Variants in LYPD6 observed in about 807,000 individuals in gnomAD.
The protein encoded by LYPD6 is LY6/PLAUR domain containing 6.
In LYPD6, 15 loss-of-function variants were observed where a neutral mutation model predicts 22.7. The ratio of observed to expected loss-of-function variants is 0.66; its 90% confidence interval spans 0.44 to 1.02. LYPD6 has a LOEUF of 1.02. Among genes scored for constraint, LYPD6 ranks in the 50% least tolerant of loss-of-function variants. The pLI is 0.00. For synonymous variants in LYPD6, 72 were observed against 77.5 expected, an observed-to-expected ratio of 0.93 and a Z score of 0.37; for missense variants, 189 against 208.4, an observed-to-expected ratio of 0.91 and a Z score of 0.57.
chr2:149,435,271 T>C (rs1266682982), intron 1 of LYPD6, among the ~76,000 whole-genome samples: 1 of 152,260 alleles, frequency 6.6e-6, no homozygotes, highest in Non-Finnish European at 1.5e-5. Flanking sequence ...GGTATTTTGT[T>C]ACGGCAGCCT....
At position 149,354,231 on chromosome 2, in the gene LYPD6, G is replaced by A. The variant is rs765343066; in HGVS notation, c.-72+23509G>A. On this transcript the variant is annotated intron_variant, in intron 1 of 4. Transcript: ENST00000334166. ...ATAGCCATTTTTTTCCCTCCAAGAT[G>A]GAGTCTTGCTCTGTGACCCAGGCTG... is the stretch of plus-strand genomic sequence containing the variant. Among the ~76,000 whole-genome samples the A allele has an allele frequency of 3.9e-4, 59 of 152,158 alleles. No homozygotes were observed. The Middle Eastern group carries it at 0.01, about 26-fold the overall frequency.
rs890202447 is a variant in LYPD6, at chr2:149,449,247, C to G, written c.217+100C>G. 26 of 696,336 alleles carry G rather than the reference C, an allele frequency of 3.7e-5. No homozygotes were observed. In the African/African-American group the frequency reaches 4.3e-4, roughly 12 times the overall value. 43.1% of individuals were successfully genotyped at this position (696,336 alleles called of 1,614,324 possible). On this transcript the variant is annotated intron_variant, in intron 3 of 4. Coordinates refer to ENST00000334166, the MANE Select transcript of LYPD6 (RefSeq NM_194317.5). ...ATAAAGAGAGGCATGCTTGCAATCT[C>G]AGCTGCTCCTCTTGTCTAAGGCTAT...
chr2:149,484,697 C>T, the LYPD6 span, among the ~76,000 whole-genome samples: 19 of 152,136 alleles, frequency 1.2e-4, no homozygotes, highest in Admixed American at 7.8e-4. Context: ...AATCAAGAAA[C>T]GAACATTCCA....
chr2:149,409,399 A>C (rs1682803804), intron 1 of LYPD6, among the ~76,000 whole-genome samples: 1 of 152,068 alleles, frequency 6.6e-6, no homozygotes, highest in Admixed American at 6.6e-5. Flanking sequence ...CAGGAGGTGG[A>C]GCTTTCAAGA....
intron 1 of LYPD6, among the ~76,000 whole-genome samples, chr2:149,428,153 C>T (rs1007252449): frequency 6.6e-6 from 1 of 152,172 alleles, no homozygotes; most frequent in Non-Finnish European, 1.5e-5. Context: ...ATTTTTAAAA[C>T]CACCTTTAAC....
chr2:149,362,098 G>C (rs1320304040), intron 1 of LYPD6, among the ~76,000 whole-genome samples: 1 of 152,158 alleles, frequency 6.6e-6, no homozygotes, highest in Non-Finnish European at 1.5e-5. Context: ...TTTTAGCCCA[G>C]TAAGACCCAT....
At chr2:149,389,457 A>G (rs1349069120) in intron 1 of LYPD6, among the ~76,000 whole-genome samples, 9 of 152,204 alleles carry the variant, frequency 5.9e-5, no homozygotes, top group Non-Finnish European at 1.2e-4. Flanking sequence ...TTAGGCATTT[A>G]GAGGATGAGA....
chr2:149,380,521 G>A (rs1462318711), intron 1 of LYPD6, among the ~76,000 whole-genome samples: 3 of 152,132 alleles, frequency 2.0e-5, no homozygotes, highest in African/African-American at 7.2e-5. Flanking sequence ...CAAGCATTTT[G>A]GCCTGAACAG....
At chr2:149,437,540 G>A in intron 1 of LYPD6, 98 bp from the exon 2 acceptor site, 1 of 986,512 alleles carries the variant, frequency 1.0e-6, no homozygotes, top group Non-Finnish European at 1.5e-6. Flanking sequence ...CTTGTGCCCT[G>A]TTGCTCTCCA....
chr2:149,358,001 G>A (rs1329964567), intron 1 of LYPD6, among the ~76,000 whole-genome samples: 1 of 151,996 alleles, frequency 6.6e-6, no homozygotes, highest in Non-Finnish European at 1.5e-5. Context: ...GTCCAGGCTG[G>A]TCTTGATCTC....
intron 1 of LYPD6, among the ~76,000 whole-genome samples, chr2:149,405,138 G>A (rs1298795470): frequency 2.6e-5 from 4 of 152,104 alleles, no homozygotes; most frequent in African/African-American, 9.7e-5. Flanking sequence ...TGGTTTGCCA[G>A]TATTTTATTG....
At chr2:149,456,188 T>G (rs1277854136) in intron 3 of LYPD6, among the ~76,000 whole-genome samples, 1 of 152,206 alleles carries the variant, frequency 6.6e-6, no homozygotes, top group Non-Finnish European at 1.5e-5. Context: ...ATAATTCAGT[T>G]TATCTGCAAC....
At chr2:149,449,460 TAGTC>T (rs927320121) in intron 3 of LYPD6, among the ~76,000 whole-genome samples, 2 of 152,218 alleles carry the variant, frequency 1.3e-5, no homozygotes, top group African/African-American at 4.8e-5. Context: ...TCTGAGGCAT[TAGTC>T]AGTGCATAGT....
chr2:149,442,280 G>T (rs1263813983), intron 2 of LYPD6, among the ~76,000 whole-genome samples: 1 of 152,108 alleles, frequency 6.6e-6, no homozygotes, highest in East Asian at 1.9e-4. Context: ...GGTAACTGAA[G>T]GCCTTTGTCT....
intron 2 of LYPD6, among the ~76,000 whole-genome samples, chr2:149,438,299 TG>T: frequency 6.6e-6 from 1 of 152,352 alleles, no homozygotes. Context: ...ATCTAGGGAA[TG>T]CTTAATAACA....
At chr2:149,459,210 C>T (rs1681033454) in intron 3 of LYPD6, among the ~76,000 whole-genome samples, 1 of 152,106 alleles carries the variant, frequency 6.6e-6, no homozygotes, top group Non-Finnish European at 1.5e-5. Flanking sequence ...ACGTTTTCAT[C>T]AGAAACTATG....
At chr2:149,391,071 A>G (rs1682297858) in intron 1 of LYPD6, among the ~76,000 whole-genome samples, 3 of 152,236 alleles carry the variant, frequency 2.0e-5, no homozygotes, top group Admixed American at 2.0e-4. Context: ...GTGGCTATAT[A>G]TTCACAAAGA....
intron 1 of LYPD6, among the ~76,000 whole-genome samples, chr2:149,346,208 T>G (rs962792039): frequency 6.6e-6 from 1 of 152,220 alleles, no homozygotes; most frequent in African/African-American, 2.4e-5. Flanking sequence ...TATTTTTTTT[T>G]GTAACTCACA....
chr2:149,391,817 T>C (rs546836186), intron 1 of LYPD6, among the ~76,000 whole-genome samples: 1 of 152,272 alleles, frequency 6.6e-6, no homozygotes, highest in Admixed American at 6.5e-5. Context: ...GCTATGTGCA[T>C]CCCTATTGGT....
Sources: allele counts gnomAD v4.1 joint callset (sites outside exome capture counted in the v4.1 genomes callset), GRCh38; gene constraint gnomAD v4.1.1; transcripts MANE v1.5; gene names NCBI Gene and HGNC (gene_info 2026-07-23, HGNC 2026-07-21).